PRICKLE1: variants seen among roughly 807,000 people sequenced by gnomAD.
PRICKLE1 encodes prickle planar cell polarity protein 1.
In PRICKLE1, 14 loss-of-function variants were observed where a neutral mutation model predicts 70.2. That is an observed-to-expected ratio of 0.20 (90% CI 0.13 to 0.31). The LOEUF (loss-of-function observed/expected upper bound fraction) is 0.31. Among genes scored for constraint, PRICKLE1 ranks in the 10% least tolerant of loss-of-function variants. PRICKLE1 has a pLI of 1.00. For synonymous variants in PRICKLE1, 357 were observed against 379.9 expected (o/e 0.94, Z 0.70); for missense variants, 821 against 1,026.2 (o/e 0.80, Z 2.73).
chr12:42,508,883 C>A (rs1566107020), intron 1 of PRICKLE1, among the ~76,000 whole-genome samples: 1 of 152,184 alleles, frequency 6.6e-6, no homozygotes, highest in South Asian at 2.1e-4. Flanking sequence ...ATCTACACAG[C>A]GGCAGATGAT....
At chr12:42,567,654 C>T (rs912968862) in intron 1 of PRICKLE1, among the ~76,000 whole-genome samples, 1 of 152,006 alleles carries the variant, frequency 6.6e-6, no homozygotes, top group Non-Finnish European at 1.5e-5. Flanking sequence ...ATGGTGAAAC[C>T]CCGTCTCTAC....
chr12:42,512,031 A>G (rs1939521512), intron 1 of PRICKLE1, among the ~76,000 whole-genome samples: 1 of 152,170 alleles, frequency 6.6e-6, no homozygotes, highest in Non-Finnish European at 1.5e-5. Context: ...GGGTTGTGCT[A>G]TTCAAGCAAC....
intron 1 of PRICKLE1, among the ~76,000 whole-genome samples, chr12:42,478,478 C>T (rs566803934): frequency 1.2e-4 from 18 of 152,226 alleles, no homozygotes; most frequent in African/African-American, 4.3e-4. Context: ...GTGTGGAGGG[C>T]ACAAAACCTT....
intron 1 of PRICKLE1, among the ~76,000 whole-genome samples, chr12:42,553,296 T>C (rs1381439518): frequency 6.6e-6 from 1 of 151,910 alleles, no homozygotes; most frequent in Non-Finnish European, 1.5e-5. Flanking sequence ...TACAAAAAAT[T>C]AGCCGGGCGT....
rs528305189 is a variant in PRICKLE1 at position 42,470,683 on chromosome 12, A to C, written c.133-324T>G. ...CACTCTGGGAGGCTGAGGCTGGTGGATCACCTGAGGTCAGGAGTTCGAGAC... is the reference window on the plus strand; with the variant it reads ...CACTCTGGGAGGCTGAGGCTGGTGGCTCACCTGAGGTCAGGAGTTCGAGAC... On this transcript the variant is annotated intron_variant, in intron 2 of 7. Coordinates refer to ENST00000345127, the MANE Select transcript of PRICKLE1 (RefSeq NM_153026.3). Among the ~76,000 whole-genome samples, 33 of 152,314 alleles carry C rather than the reference A, an allele frequency of 2.2e-4. No individual in the cohort carries two copies. In the East Asian group the frequency reaches 6.4e-3, roughly 29 times the overall value.
intron 1 of PRICKLE1, among the ~76,000 whole-genome samples, chr12:42,561,229 C>A (rs551949414): frequency 2.4e-4 from 37 of 152,208 alleles, no homozygotes; most frequent in Non-Finnish European, 5.0e-4. Context: ...TTCTCTTTTC[C>A]CTTTGTTGTG....
At chr12:42,494,270 G>T (rs1325417124) in intron 1 of PRICKLE1, among the ~76,000 whole-genome samples, 1 of 152,204 alleles carries the variant, frequency 6.6e-6, no homozygotes, top group Non-Finnish European at 1.5e-5. Context: ...GAAGTTTGCT[G>T]CATCAATTGA....
chr12:42,469,041 G>A lies in PRICKLE1; in HGVS notation c.385-212C>T, dbSNP rs79465854. Among the ~76,000 whole-genome samples, 71 of 152,214 alleles carry A rather than the reference G, an allele frequency of 4.7e-4. 1 individual carries two copies. In the East Asian group the frequency reaches 8.9e-3, roughly 19 times the overall value. On this transcript the variant is annotated intron_variant, in intron 4 of 7. Transcript: ENST00000345127. The stretch of plus-strand genomic sequence containing the variant: ...ACATACTACAACTATTTCTAAGGAC[G>A]GTGTAATCTGATTCACACAAATAGT...
intron 1 of PRICKLE1, among the ~76,000 whole-genome samples, chr12:42,576,628 T>C (rs1053094569): frequency 1.3e-5 from 2 of 152,228 alleles, no homozygotes; most frequent in Non-Finnish European, 2.9e-5. Flanking sequence ...TTCTTCCTAT[T>C]GGTACAGTAC....
At chr12:42,525,266 TTGCCCTGTGC>T (rs1939781611) in intron 1 of PRICKLE1, among the ~76,000 whole-genome samples, 1 of 152,248 alleles carries the variant, frequency 6.6e-6, no homozygotes, top group African/African-American at 2.4e-5. Context: ...TGCAGGTGCC[TTGCCCTGTGC>T]ATCTCTTCAT....
chr12:42,458,941 C>T lies in PRICKLE1; in HGVS notation c.*868G>A, dbSNP rs1354764639. On this transcript the variant is annotated 3_prime_UTR_variant, in exon 8 of 8. Transcript: ENST00000345127. The stretch of plus-strand genomic sequence containing the variant: ...GTTTTAAAGAGTACTTACATAGCCC[C>T]ACCATGCATACAGAGCCTTTTTTAA... 4.4e-6 allele frequency: 1 copy of T among 226,984 alleles called. No homozygotes were observed. The highest frequency in any genetic ancestry group is 8.8e-6 in the Non-Finnish European group (1 of 113,124). 14.1% of individuals were successfully genotyped at this position (226,984 alleles called of 1,614,324 possible).
chr12:42,546,565 C>A (rs931501370), intron 1 of PRICKLE1, among the ~76,000 whole-genome samples: 3 of 152,068 alleles, frequency 2.0e-5, no homozygotes, highest in Admixed American at 6.6e-5. Context: ...ATCAGCCTGG[C>A]CAACATGGCG....
intron 1 of PRICKLE1, among the ~76,000 whole-genome samples, chr12:42,567,555 C>T (rs1276018914): frequency 1.3e-5 from 2 of 152,128 alleles, no homozygotes; most frequent in Admixed American, 6.6e-5. Flanking sequence ...TGGCCAGGTG[C>T]GGTGGCTCAC....
intron 1 of PRICKLE1, among the ~76,000 whole-genome samples, chr12:42,583,477 A>C (rs1349621325): frequency 6.6e-6 from 1 of 152,222 alleles, no homozygotes; most frequent in East Asian, 1.9e-4. Flanking sequence ...TATTCTTCGC[A>C]GTACAGTACT....
At chr12:42,492,596 A>G (rs987387471) in intron 1 of PRICKLE1, among the ~76,000 whole-genome samples, 3 of 152,206 alleles carry the variant, frequency 2.0e-5, no homozygotes, top group African/African-American at 7.2e-5. Flanking sequence ...TAGGAATTTA[A>G]AGGAGGTGAT....
At chr12:42,528,368 C>T (rs577744620) in intron 1 of PRICKLE1, among the ~76,000 whole-genome samples, 1 of 152,104 alleles carries the variant, frequency 6.6e-6, no homozygotes, top group Admixed American at 6.6e-5. Context: ...GCCACTGAGC[C>T]CAGCCCGAAA....
intron 1 of PRICKLE1, among the ~76,000 whole-genome samples, chr12:42,587,091 A>G (rs1940998216): frequency 6.6e-6 from 1 of 152,202 alleles, no homozygotes; most frequent in South Asian, 2.1e-4. Context: ...CCTTGATTAT[A>G]AAAACATAAT....
intron 1 of PRICKLE1, among the ~76,000 whole-genome samples, chr12:42,558,213 A>G (rs2120687719): frequency 6.6e-6 from 1 of 152,362 alleles, no homozygotes; most frequent in African/African-American, 2.4e-5. Context: ...AGATCAATGT[A>G]TACATATTCT....
rs117253051 is a variant in PRICKLE1 at position 42,587,398 on chromosome 12, C to A, written c.-49+2067G>T. 4.3e-3 allele frequency among the ~76,000 whole-genome samples: 648 copies of A among 152,110 alleles called. 9 individuals carry two copies. The South Asian group carries it at 0.044, about 10-fold the overall frequency. Reference sequence around the variant, plus strand: ...GGCTTATTTATAAGAATGAATCATACTACATTAGCCATGACTTATTAAACT... The same window carrying A: ...GGCTTATTTATAAGAATGAATCATAATACATTAGCCATGACTTATTAAACT... On this transcript the variant is annotated intron_variant, in intron 1 of 7. Transcript: ENST00000345127.
Sources: gnomAD v4.1 joint callset for allele counts (sites outside exome capture counted in the v4.1 genomes callset) on GRCh38, gnomAD v4.1.1 for gene constraint, MANE v1.5 for transcripts, NCBI Gene and HGNC (gene_info 2026-07-23, HGNC 2026-07-21) for gene names.